USP49: variants seen among roughly 807,000 people sequenced by gnomAD.
USP49 encodes ubiquitin specific peptidase 49, also known as ubiquitin carboxyl-terminal hydrolase 49.
In USP49, 24 loss-of-function variants were observed where a neutral mutation model predicts 58.6. That is an observed-to-expected ratio of 0.41 (90% CI 0.30 to 0.58). The LOEUF (loss-of-function observed/expected upper bound fraction) is 0.58, where lower values mean the gene tolerates loss of function less well. USP49 is among the 20% of genes least tolerant of loss of function. The pLI is 0.30. For missense variants in USP49, 703 were observed against 866.1 expected, an observed-to-expected ratio of 0.81 and a Z score of 2.36; for synonymous variants, 408 against 365.1, an observed-to-expected ratio of 1.12 and a Z score of -1.34.
chr6:41,836,849 A>ACACACACG (rs1374123923), intron 3 of USP49, among the ~76,000 whole-genome samples: 1 of 151,096 alleles, frequency 6.6e-6, no homozygotes, highest in African/African-American at 2.5e-5. Context: ...CAGAACAGAC[A>ACACACACG]CACACACGCA....
chr6:41,827,184 A>G (rs1773552983), intron 3 of USP49, among the ~76,000 whole-genome samples: 1 of 152,218 alleles, frequency 6.6e-6, no homozygotes, highest in Non-Finnish European at 1.5e-5. Flanking sequence ...TCAGTTCCCA[A>G]GAAACTGGGC....
intron 3 of USP49, among the ~76,000 whole-genome samples, chr6:41,817,333 T>A (rs1773373180): frequency 1.3e-5 from 2 of 149,302 alleles, no homozygotes; most frequent in Admixed American, 1.3e-4. Context: ...TTTTGAGTAG[T>A]GACTGGGTTT....
intron 2 of USP49, among the ~76,000 whole-genome samples, chr6:41,881,346 G>A (rs1330070009): frequency 9.6e-6 from 1 of 103,886 alleles, no homozygotes; most frequent in African/African-American, 4.3e-5. Context: ...AGAAAACAGA[G>A]GTCCCTAGAG....
At chr6:41,848,755 T>C (rs1213756939) in intron 3 of USP49, among the ~76,000 whole-genome samples, 1 of 151,280 alleles carries the variant, frequency 6.6e-6, no homozygotes, top group Non-Finnish European at 1.5e-5. Flanking sequence ...CTTGGGAGGC[T>C]GAGGCAGGAG....
In USP49 at chr6:41,792,312, C is replaced by G. The variant is rs963724398; in HGVS notation, c.*4221G>C. The G allele has an allele frequency of 1.3e-5, 2 of 152,172 alleles. No homozygotes were observed. Among genetic ancestry groups the G allele is most frequent in the African/African-American group, 4.8e-5 (2 of 41,438 alleles). The allele number at this position is 152,172 out of a possible 1,614,324, so 9.4% of individuals were successfully genotyped here. A position where few individuals can be genotyped will look rare whatever the true frequency, so the allele number is the denominator to read the frequency against. On this transcript the variant is annotated 3_prime_UTR_variant, in exon 8 of 8. Transcript: ENST00000682992. ...CTATACTGCTTCCGGACATTTTTTG[C>G]AAAAGAACATCAGAACCAATGAAGG... is the stretch of plus-strand genomic sequence containing the variant.
chr6:41,849,765 G>A (rs563981100), intron 3 of USP49, among the ~76,000 whole-genome samples: 11 of 151,844 alleles, frequency 7.2e-5, no homozygotes, highest in East Asian at 1.9e-4. Flanking sequence ...GCGCCGCCAC[G>A]CCCAGCTAAT....
intron 3 of USP49, among the ~76,000 whole-genome samples, chr6:41,814,030 G>A (rs575022215): frequency 3.9e-5 from 6 of 152,246 alleles, no homozygotes; most frequent in African/African-American, 1.4e-4. Context: ...TATTCTCAAA[G>A]GCCATCATTC....
At chr6:41,834,882 T>C (rs1045858913) in intron 3 of USP49, among the ~76,000 whole-genome samples, 4 of 152,226 alleles carry the variant, frequency 2.6e-5, no homozygotes, top group Admixed American at 1.3e-4. Context: ...AACACTCACA[T>C]AGAAAATAGC....
chr6:41,888,770 C>T (rs921678298), intron 2 of USP49, among the ~76,000 whole-genome samples: 6 of 152,042 alleles, frequency 3.9e-5, no homozygotes, highest in African/African-American at 1.4e-4. Flanking sequence ...CCGTATTTTA[C>T]ATTTGTCAGA....
chr6:41,861,496 A>G (rs1774221819), intron 3 of USP49, among the ~76,000 whole-genome samples: 1 of 152,158 alleles, frequency 6.6e-6, no homozygotes, highest in African/African-American at 2.4e-5. Context: ...AAATTCTATA[A>G]GTATTCTCCC....
At chr6:41,818,554 A>AGCAT (rs1773397090) in intron 3 of USP49, among the ~76,000 whole-genome samples, 1 of 152,186 alleles carries the variant, frequency 6.6e-6, no homozygotes, top group South Asian at 2.1e-4. Context: ...ATGTTAAACA[A>AGCAT]GCATGACATG....
At chr6:41,841,734 T>C (rs1480256617) in intron 3 of USP49, among the ~76,000 whole-genome samples, 3 of 152,144 alleles carry the variant, frequency 2.0e-5, no homozygotes, top group East Asian at 1.9e-4. Flanking sequence ...AGTCACATGA[T>C]ACAACAACAA....
At chr6:41,848,534 T>A (rs1055142557) in intron 3 of USP49, among the ~76,000 whole-genome samples, 2 of 151,968 alleles carry the variant, frequency 1.3e-5, no homozygotes, top group Non-Finnish European at 2.9e-5. Context: ...ATCTGGCTAA[T>A]TAAAAATATA....
chr6:41,875,628 C>T (rs1241446369), intron 2 of USP49, among the ~76,000 whole-genome samples: 1 of 152,170 alleles, frequency 6.6e-6, no homozygotes, highest in East Asian at 1.9e-4. Flanking sequence ...CCTTATTTTC[C>T]ACTACCCATC....
chr6:41,877,895 T>G (rs1437780782), intron 2 of USP49, among the ~76,000 whole-genome samples: 2 of 152,104 alleles, frequency 1.3e-5, no homozygotes, highest in Non-Finnish European at 2.9e-5. Context: ...TATCTTAAAT[T>G]TTACTTCCTA....
At chr6:41,856,125 G>C (rs916272015) in intron 3 of USP49, among the ~76,000 whole-genome samples, 1 of 151,938 alleles carries the variant, frequency 6.6e-6, no homozygotes, top group African/African-American at 2.4e-5. Flanking sequence ...TGTAATCCCA[G>C]CACTTTGGGA....
At chr6:41,837,207 CTA>C (rs755258673) in intron 3 of USP49, among the ~76,000 whole-genome samples, 14 of 152,104 alleles carry the variant, frequency 9.2e-5, no homozygotes, top group South Asian at 4.1e-4. Flanking sequence ...CAACTTCAAA[CTA>C]TACTTTAAGG....
chr6:41,815,994 G>C (rs1202775709), intron 3 of USP49, among the ~76,000 whole-genome samples: 4 of 152,250 alleles, frequency 2.6e-5, no homozygotes, highest in Admixed American at 6.5e-5. Flanking sequence ...TTTGCCCATG[G>C]AAAGGGGCTA....
At chr6:41,889,911 T>A (rs576355661) in intron 2 of USP49, among the ~76,000 whole-genome samples, 1 of 152,176 alleles carries the variant, frequency 6.6e-6, no homozygotes, top group Non-Finnish European at 1.5e-5. Flanking sequence ...GTATACAGAA[T>A]TTCTTGTATC....
Sources: allele counts gnomAD v4.1 joint callset (sites outside exome capture counted in the v4.1 genomes callset), GRCh38; gene constraint gnomAD v4.1.1; transcripts MANE v1.5; gene names NCBI Gene and HGNC (gene_info 2026-07-23, HGNC 2026-07-21).